Variants in GRAMD4 observed in about 807,000 individuals in gnomAD.
The protein encoded by GRAMD4 is GRAM domain containing 4.
A neutral mutation model predicts 83.9 loss-of-function variants in GRAMD4; 25 were observed. The observed-to-expected ratio is 0.30, with a 90% CI of 0.22 to 0.42. The LOEUF (loss-of-function observed/expected upper bound fraction) is 0.42. GRAMD4 is among the 10% of genes least tolerant of loss of function. The pLI is 1.00. For missense variants in GRAMD4, 593 were observed against 788.7 expected (o/e 0.75, Z 2.97); for synonymous variants, 336 against 320.9 (o/e 1.05, Z -0.50).
Position 46,664,440 on chromosome 22 carries a change from C to T in GRAMD4, c.717+323C>T, listed in dbSNP as rs529090946. ...CACTCACCGTGCAGTGCGGTGGCCA[C>T]GCTGCTGAGGTCCACAGAGTACCTG... On this transcript the variant is annotated intron_variant, in intron 8 of 18. Coordinates refer to ENST00000406902, the MANE Select transcript of GRAMD4 (RefSeq NM_015124.5). Among the ~76,000 whole-genome samples the T allele has an allele frequency of 3.3e-5, 5 of 152,222 alleles. No individual in the cohort carries two copies. The East Asian group carries it at 9.7e-4, about 29-fold the overall frequency.
At chr22:46,645,259 G>A (rs1370043881) in intron 3 of GRAMD4, among the ~76,000 whole-genome samples, 5 of 152,230 alleles carry the variant, frequency 3.3e-5, no homozygotes, top group African/African-American at 1.2e-4. Flanking sequence ...CCTGTGCCTT[G>A]TCCCATTCTC....
chr22:46,626,872 C>T lies in GRAMD4; in HGVS notation c.73C>T (p.Pro25Ser). ...TGACTTCCTCGATCTAGCGGAGTCTCCAAATGCCTCGGACACCGAATGCAG... is the reference window on the plus strand; with the variant it reads ...TGACTTCCTCGATCTAGCGGAGTCTTCAAATGCCTCGGACACCGAATGCAG... The part of the protein sequence containing the change: ...RDDFLDLAES[P>S]NASDTECSDE... The change falls in exon 2 of 19, where the codon CCA becomes TCA. Residue 25 changes from proline (P) to serine (S), a missense_variant. Pro to Ser is a moderately conservative substitution (Grantham distance 74). Transcript: ENST00000406902. 1 of 1,614,124 alleles carries T rather than the reference C, an allele frequency of 6.2e-7. No homozygotes were observed. The highest frequency in any genetic ancestry group is 8.5e-7 in the Non-Finnish European group (1 of 1,179,958).
At chr22:46,656,054 C>A (rs940714904) in intron 3 of GRAMD4, among the ~76,000 whole-genome samples, 1 of 152,164 alleles carries the variant, frequency 6.6e-6, no homozygotes, top group Non-Finnish European at 1.5e-5. Context: ...CAGTGCCCCC[C>A]ACCCCAGCCT....
chr22:46,613,505 G>T (rs994407597), intron 1 of GRAMD4, among the ~76,000 whole-genome samples: 1 of 152,250 alleles, frequency 6.6e-6, no homozygotes, highest in African/African-American at 2.4e-5. Flanking sequence ...AGCTGCTGTC[G>T]CTGTGGTATG....
chr22:46,576,167 A>G, upstream of GRAMD4: 1 of 152,844 alleles, frequency 6.5e-6, no homozygotes, highest in Non-Finnish European at 1.5e-5. Context: ...GGGGAGGGGG[A>G]GGCAGAGAGG....
downstream of GRAMD4, among the ~76,000 whole-genome samples, chr22:46,679,983 A>T (rs574590938): frequency 5.9e-5 from 9 of 152,338 alleles, 1 homozygote; most frequent in South Asian, 1.9e-3. Flanking sequence ...TGAGAAGCAG[A>T]GTCCTGTTGG....
chr22:46,593,553 G>A (rs5769006), intron 1 of GRAMD4, among the ~76,000 whole-genome samples: 1 of 152,078 alleles, frequency 6.6e-6, no homozygotes. Context: ...ACTTCCCGTA[G>A]CAGGCTGTTC....
At chr22:46,600,622 C>T (rs1001955752) in intron 1 of GRAMD4, among the ~76,000 whole-genome samples, 5 of 152,162 alleles carry the variant, frequency 3.3e-5, no homozygotes, top group East Asian at 1.9e-4. Context: ...CGGAGCAAGG[C>T]GGCAGGTGCG....
chr22:46,598,068 A>C (rs961980644), intron 1 of GRAMD4, among the ~76,000 whole-genome samples: 1 of 151,444 alleles, frequency 6.6e-6, no homozygotes, highest in Non-Finnish European at 1.5e-5. Context: ...TGCAACCTCC[A>C]CCTCCTGGGT....
intron 1 of GRAMD4, among the ~76,000 whole-genome samples, chr22:46,608,413 TCA>T (rs1001551601): frequency 2.0e-5 from 3 of 152,234 alleles, no homozygotes; most frequent in African/African-American, 7.2e-5. Flanking sequence ...GCATGGTGGC[TCA>T]CACCTGTAAT....
intron 1 of GRAMD4, among the ~76,000 whole-genome samples, chr22:46,614,112 T>C (rs2081445142): frequency 6.6e-6 from 1 of 152,244 alleles, no homozygotes; most frequent in South Asian, 2.1e-4. Flanking sequence ...AGATCAATTA[T>C]GTTGAAAGCA....
At position 46,604,409 on chromosome 22, in the gene GRAMD4, TG is replaced by T. The variant is rs1466783272; in HGVS notation, c.-49-22341del. On this transcript the variant is annotated intron_variant, in intron 1 of 1. Transcript: ENST00000431155. ...TTGTGGTAAAATAGACATAACACAA[TG>T]TACCGTCTTAACCATTTCGGAGTGT... Among the ~76,000 whole-genome samples, 97 of 152,316 alleles carry T rather than the reference TG, an allele frequency of 6.4e-4. 1 individual carries two copies. The highest frequency in any genetic ancestry group is 2.1e-3 in the African/African-American group (87 of 41,554).
chr22:46,652,000 T>G (rs1014915565), intron 3 of GRAMD4, among the ~76,000 whole-genome samples: 1 of 152,126 alleles, frequency 6.6e-6, no homozygotes, highest in African/African-American at 2.4e-5. Context: ...GGAAGAGGAC[T>G]GTCCCAGCCT....
At chr22:46,620,278 C>G (rs905842933), upstream of GRAMD4, 38 of 984,294 alleles carry the variant, frequency 3.9e-5, no homozygotes, top group Non-Finnish European at 4.5e-5. This position sits in a 1 kb window ranked among gnomAD's most constrained non-coding sequence, Gnocchi z 4.7. Context: ...GGCCCAATTC[C>G]GTCCTGCTTG....
At chr22:46,595,950 C>T (rs1467473547) in intron 1 of GRAMD4, among the ~76,000 whole-genome samples, 1 of 152,244 alleles carries the variant, frequency 6.6e-6, no homozygotes, top group African/African-American at 2.4e-5. Context: ...GAGGGGCTTG[C>T]AGAGGGTCAG....
chr22:46,633,738 T>C (rs552579555), intron 2 of GRAMD4, among the ~76,000 whole-genome samples: 12 of 152,250 alleles, frequency 7.9e-5, no homozygotes, highest in African/African-American at 1.7e-4. Context: ...GAAGAATCCA[T>C]TGTGGGAAAG....
intron 3 of GRAMD4, among the ~76,000 whole-genome samples, chr22:46,643,163 C>CCATGCATCCATCCATGCATGCATGCATG (rs2082009173): frequency 5.0e-5 from 6 of 121,090 alleles, no homozygotes; most frequent in Non-Finnish European, 7.5e-5. Flanking sequence ...ATCCATCCAT[C>CCATGCATCCATCCATGCATGCATGCATG]CATCCATCCA....
chr22:46,620,121 T>A (rs1025791037), upstream of GRAMD4, among the ~76,000 whole-genome samples: 1 of 152,110 alleles, frequency 6.6e-6, no homozygotes, highest in African/African-American at 2.4e-5. This position sits in a 1 kb window ranked among gnomAD's most constrained non-coding sequence, Gnocchi z 4.7. Context: ...AACCACTTTT[T>A]TTTTTTTAAA....
chr22:46,650,901 G>T (rs1014003587), intron 3 of GRAMD4, among the ~76,000 whole-genome samples: 2 of 152,200 alleles, frequency 1.3e-5, no homozygotes, highest in Admixed American at 6.5e-5. Context: ...ACTGCAAGAC[G>T]CCTGTGGGTC....
Sources: allele counts gnomAD v4.1 joint callset (sites outside exome capture counted in the v4.1 genomes callset), GRCh38; gene constraint gnomAD v4.1.1; non-coding constraint Gnocchi (gnomAD v3.1); transcripts MANE v1.5; gene names NCBI Gene and HGNC (gene_info 2026-07-23, HGNC 2026-07-21).